NBPF9: variants seen among roughly 807,000 people sequenced by gnomAD.
The protein encoded by NBPF9 is NBPF family member NBPF9.
A neutral mutation model predicts 97.8 loss-of-function variants in NBPF9; 91 were observed. That is an observed-to-expected ratio of 0.93 (90% CI 0.79 to 1.11). NBPF9 has a LOEUF of 1.11. NBPF9 is among the 50% of genes least tolerant of loss of function. The pLI, the probability that NBPF9 is intolerant of heterozygous loss-of-function variation, is 0.00. For synonymous variants in NBPF9, 334 were observed against 359.5 expected (o/e 0.93, Z 0.80); for missense variants, 992 against 939.5 (o/e 1.06, Z -0.73).
chr1:149,079,337 A>G, intron 8 of NBPF9, 116 bp from the exon 9 acceptor site: 2 of 1,131,770 alleles, frequency 1.8e-6, no homozygotes, highest in Admixed American at 1.7e-5. Flanking sequence ...ACAGAAGGTC[A>G]GCACATGTTG....
chr1:149,071,307 C>G (rs1158991780), intron 15 of NBPF9, among the ~76,000 whole-genome samples, 168 bp from the exon 16 acceptor site: 71,001 of 151,130 alleles, frequency 0.47, 17,161 homozygotes, highest in Middle Eastern at 0.53. Context: ...CTGCAACAGA[C>G]CATGGCTGCC....
intron 29 of NBPF9, 64 bp from the exon 30 acceptor site, chr1:149,055,963 G>C (rs1218517187): frequency 3.7e-5 from 59 of 1,611,530 alleles, no homozygotes; most frequent in South Asian, 1.1e-5. Flanking sequence ...AGCCCCACTA[G>C]ATTTCAGAAG....
intron 12 of NBPF9, among the ~76,000 whole-genome samples, chr1:149,075,280 A>T (rs2079759467): frequency 6.6e-6 from 1 of 152,180 alleles, no homozygotes; most frequent in South Asian, 2.1e-4. Flanking sequence ...GAACTGAATA[A>T]AAGTTCACTA....
intron 3 of NBPF9, among the ~76,000 whole-genome samples, chr1:149,100,782 A>C (rs1228752219): frequency 6.6e-6 from 1 of 152,068 alleles, no homozygotes; most frequent in Non-Finnish European, 1.5e-5. Context: ...AAAAGTATGA[A>C]AATTAAGCCA....
At chr1:149,079,395 C>T (rs1418262472) in intron 8 of NBPF9, among the ~76,000 whole-genome samples, 174 bp from the exon 9 acceptor site, 6 of 151,738 alleles carry the variant, frequency 4.0e-5, no homozygotes, top group African/African-American at 1.5e-4. Context: ...GGTTTACAGG[C>T]TTCCTCTGTA....
intron 5 of NBPF9, among the ~76,000 whole-genome samples, chr1:149,087,054 A>G (rs1210313019): frequency 6.6e-6 from 1 of 151,854 alleles, no homozygotes; most frequent in Non-Finnish European, 1.5e-5. Context: ...CAGCCTTTTT[A>G]ATTTTAGCCA....
rs1266185468 is a variant in NBPF9 at position 149,073,660 on chromosome 1, C to T, written c.1091+108G>A. 1.7e-4 allele frequency: 139 copies of T among 809,280 alleles called. 5 individuals are homozygous for T. Among genetic ancestry groups the T allele is most frequent in the Admixed American group, 9.4e-4 (50 of 52,948 alleles). The allele number at this position is 809,280 out of a possible 1,614,324, so 50.1% of individuals were successfully genotyped here. On this transcript the variant is annotated intron_variant, in intron 13 of 29. Transcript: ENST00000584027. Reference sequence around the variant, plus strand: ...GTGTAGCGAGCCTGCCATGGCAATTCCTGCCCTTCCCCTGGCCCAGCTTAG... The same window carrying T: ...GTGTAGCGAGCCTGCCATGGCAATTTCTGCCCTTCCCCTGGCCCAGCTTAG...
intron 5 of NBPF9, among the ~76,000 whole-genome samples, chr1:149,086,868 GATC>G (rs1397799021): frequency 1.3e-5 from 2 of 152,060 alleles, no homozygotes; most frequent in Non-Finnish European, 2.9e-5. Context: ...CACACATACA[GATC>G]ATTGTGCAGA....
intron 7 of NBPF9, among the ~76,000 whole-genome samples, chr1:149,081,444 C>A (rs1204539662): frequency 9.3e-5 from 14 of 149,888 alleles, no homozygotes; most frequent in African/African-American, 3.4e-4. Context: ...GATGCTGTCA[C>A]TTATAGGTAG....
intron 7 of NBPF9, 47 bp downstream of exon 7, chr1:149,081,918 C>T (rs587768481): frequency 6.2e-6 from 8 of 1,288,968 alleles, no homozygotes; most frequent in Non-Finnish European, 8.9e-6. Context: ...AGAGAGAAGA[C>T]AGGACATCAT....
At chr1:149,062,812 A>T (rs1312379781) in intron 21 of NBPF9, 50 bp downstream of exon 21, 3 of 730,738 alleles carry the variant, frequency 4.1e-6, no homozygotes, top group Non-Finnish European at 7.5e-6. Flanking sequence ...TGGACCTGGC[A>T]TCTCCAGGTG....
At chr1:149,070,165 A>G in intron 16 of NBPF9, among the ~76,000 whole-genome samples, 1 of 149,400 alleles carries the variant, frequency 6.7e-6, no homozygotes, top group Admixed American at 6.7e-5. Flanking sequence ...TACTAAAAAT[A>G]CAAAAATTAG....
chr1:149,076,296 C>G (rs1575843866), intron 11 of NBPF9, among the ~76,000 whole-genome samples: 1 of 151,110 alleles, frequency 6.6e-6, no homozygotes, highest in African/African-American at 2.4e-5. Context: ...CGCCCGGGTT[C>G]AAGTGATTCT....
At chr1:149,065,214 C>G (rs1199195376) in intron 18 of NBPF9, 1 of 696,700 alleles carries the variant, frequency 1.4e-6, no homozygotes. Context: ...GCTGATCTGA[C>G]AGACAACTCC....
intron 17 of NBPF9, chr1:149,065,956 C>G: frequency 1.7e-6 from 1 of 594,566 alleles, no homozygotes; most frequent in Non-Finnish European, 3.0e-6. Context: ...TGTAAACTAC[C>G]ATCATGTCTT....
Position 149,056,063 on chromosome 1 carries a change from A to G in NBPF9, c.3093-164T>C, listed in dbSNP as rs75713275. On this transcript the variant is annotated intron_variant, in intron 29 of 29. Transcript: ENST00000584027. Reference sequence around the variant, plus strand: ...TATTGCCTTTATGTTGGGATAGAACAGGGCCAGGTAGAAAACAATGAAAGA... The same window carrying G: ...TATTGCCTTTATGTTGGGATAGAACGGGGCCAGGTAGAAAACAATGAAAGA... Among the ~76,000 whole-genome samples, 142 of 152,144 alleles carry G rather than the reference A, an allele frequency of 9.3e-4. 1 individual carries two copies. Among genetic ancestry groups the G allele is most frequent in the Non-Finnish European group, 2.5e-4 (17 of 68,018 alleles).
rs3979925 is a variant in NBPF9 at position 149,070,320 on chromosome 1, C to CAAAA, written c.1585+610_1585+613dup. Among the ~76,000 whole-genome samples, 13 of 47,806 alleles carry CAAAA rather than the reference C, an allele frequency of 2.7e-4. No homozygotes were observed. In the East Asian group the frequency reaches 3.0e-3, roughly 11 times the overall value. The allele number at this position is 47,806 out of a possible 152,430, so 31.4% of individuals were successfully genotyped here. ...TGGGTGACAGAGCAAGACTCCATCG[C>CAAAA]AAAAAAAAAAAAAAAAAAAAAAAAA... On this transcript the variant is annotated intron_variant, in intron 16 of 29. Coordinates refer to ENST00000584027, the Ensembl canonical transcript of NBPF9.
chr1:149,062,252 G>A (rs1553650249), exon 22 of NBPF9: 4 of 845,762 alleles, frequency 4.7e-6, no homozygotes, highest in Admixed American at 1.7e-5. Flanking sequence ...TCATCCAGCA[G>A]CTCCCTGCTG....
In NBPF9 at chr1:149,072,711, A is replaced by T. The variant is rs1428788538; in HGVS notation, c.1306+7T>A. 31 of 1,611,606 alleles carry T rather than the reference A, an allele frequency of 1.9e-5. No homozygotes were observed. The highest frequency in any genetic ancestry group is 2.4e-5 in the Non-Finnish European group (28 of 1,179,682). ...TTTTGGGTCAACAGGGCCTATGGCC[A>T]CCTTACCTGGGCTGAGCTTTTGGAC... On this transcript the variant is annotated splice_region_variant and intron_variant, in intron 14 of 29. Coordinates refer to ENST00000584027, the Ensembl canonical transcript of NBPF9.
Sources: gnomAD v4.1 joint callset for allele counts (sites outside exome capture counted in the v4.1 genomes callset) on GRCh38, gnomAD v4.1.1 for gene constraint, MANE v1.5 for transcripts, NCBI Gene and HGNC (gene_info 2026-07-23, HGNC 2026-07-21) for gene names.